The following DLGAP5 variants were observed in gnomAD, a reference collection of about 807,000 sequenced individuals.
DLGAP5 encodes DLG associated protein 5.
DLGAP5 carries 90 observed loss-of-function variants against 99.6 expected under a neutral mutation model. The observed-to-expected ratio is 0.90, with a 90% CI of 0.76 to 1.08. The LOEUF is 1.08. Among genes scored for constraint, DLGAP5 ranks in the 50% least tolerant of loss-of-function variants. The pLI is 0.00. For missense variants in DLGAP5, 1,036 were observed against 983.5 expected, an observed-to-expected ratio of 1.05 and a Z score of -0.71; for synonymous variants, 311 against 321.3, an observed-to-expected ratio of 0.97 and a Z score of 0.34.
Position 55,152,088 on chromosome 14 carries a change from C to T in DLGAP5, c.2122-147G>A. Reference sequence around the variant, plus strand: ...GAACATTATAAATCCTACTATCCTGCTTCTTCAACAATTAGTTCAGATAAT... The same window carrying T: ...GAACATTATAAATCCTACTATCCTGTTTCTTCAACAATTAGTTCAGATAAT... On this transcript the variant is annotated intron_variant, in intron 16 of 18. Transcript: ENST00000247191. 9 of 749,678 alleles carry T rather than the reference C, an allele frequency of 1.2e-5. No individual in the cohort carries two copies. The South Asian group carries it at 1.2e-4, about 10-fold the overall frequency. The allele number at this position is 749,678 out of a possible 1,614,324, so 46.4% of individuals were successfully genotyped here.
chr14:55,183,814 C>T (rs1399480135), intron 2 of DLGAP5, 61 bp from the exon 3 acceptor site: 1 of 1,389,002 alleles, frequency 7.2e-7, no homozygotes. Flanking sequence ...AAAAGTTATG[C>T]AAATGTATAA....
At chr14:55,179,126 T>G (rs1883188677) in intron 7 of DLGAP5, among the ~76,000 whole-genome samples, 1 of 152,224 alleles carries the variant, frequency 6.6e-6, no homozygotes, top group Non-Finnish European at 1.5e-5. Flanking sequence ...GCATCTTTTT[T>G]GAAGACCTTA....
At chr14:55,154,525 T>A in intron 15 of DLGAP5, 92 bp downstream of exon 15, 2 of 1,056,610 alleles carry the variant, frequency 1.9e-6, no homozygotes, top group Non-Finnish European at 2.9e-6. Flanking sequence ...TTATTAAAAA[T>A]ATATGTCTGG....
chr14:55,151,624 G>A (rs902619967), intron 17 of DLGAP5, 71 bp downstream of exon 17: 29 of 1,464,882 alleles, frequency 2.0e-5, no homozygotes, highest in Non-Finnish European at 2.5e-5. Context: ...GACCTTATAG[G>A]ATAATTTATA....
At chr14:55,179,133 C>T (rs1369276818) in intron 7 of DLGAP5, among the ~76,000 whole-genome samples, 1 of 152,014 alleles carries the variant, frequency 6.6e-6, no homozygotes, top group African/African-American at 2.4e-5. Flanking sequence ...TTTTGAAGAC[C>T]TTATTAGAAA....
chr14:55,177,678 C>T (rs1020115282), intron 7 of DLGAP5, among the ~76,000 whole-genome samples: 3 of 151,732 alleles, frequency 2.0e-5, no homozygotes, highest in Non-Finnish European at 4.4e-5. Context: ...GCTGGGACTA[C>T]AGACGCCCGC....
At chr14:55,183,811 A>T in intron 2 of DLGAP5, 58 bp from the exon 3 acceptor site, 2 of 1,393,820 alleles carry the variant, frequency 1.4e-6, no homozygotes, top group Non-Finnish European at 1.9e-6. Flanking sequence ...ATGAAAAGTT[A>T]TGCAAATGTA....
intron 13 of DLGAP5, among the ~76,000 whole-genome samples, chr14:55,160,891 A>G (rs1467251394): frequency 6.6e-6 from 1 of 152,206 alleles, no homozygotes; most frequent in Non-Finnish European, 1.5e-5. Flanking sequence ...AGAGTATAGA[A>G]AACATTTTAG....
intron 2 of DLGAP5, 125 bp downstream of exon 2, chr14:55,188,817 A>T: frequency 1.6e-6 from 1 of 640,822 alleles, no homozygotes; most frequent in Non-Finnish European, 2.6e-6. Flanking sequence ...AAGACCAAAA[A>T]GGAAAGTTAT....
Position 55,175,983 on chromosome 14 carries a change from T to C in DLGAP5, c.1085A>G (p.Gln362Arg), listed in dbSNP as rs757263120. ...ESQATKEILA[Q>R]KCKTYSTKTI... ...CTTGGTAGAGTAAGTTTTACATTTT[T>C]GTGCCAAAATTTCTTTTGTTGCTTG... is the stretch of plus-strand genomic sequence containing the variant. Residue 362 changes from glutamine to arginine, a missense_variant, in exon 9 of 19, where the codon CAA becomes CGA. Transcript: ENST00000247191. The C allele has an allele frequency of 3.7e-6, 6 of 1,608,778 alleles. No individual in the cohort carries two copies.
At chr14:55,173,463 AG>A (rs1014978131) in intron 10 of DLGAP5, among the ~76,000 whole-genome samples, 85 of 152,244 alleles carry the variant, frequency 5.6e-4, no homozygotes, top group Admixed American at 3.7e-3. Flanking sequence ...ACTCTCAAAA[AG>A]TATATTTATA....
At chr14:55,151,271 G>A (rs1882007534) in intron 17 of DLGAP5, among the ~76,000 whole-genome samples, 1 of 152,132 alleles carries the variant, frequency 6.6e-6, no homozygotes, top group Non-Finnish European at 1.5e-5. Context: ...AATATAGGTA[G>A]AACTAGGCAG....
intron 10 of DLGAP5, among the ~76,000 whole-genome samples, chr14:55,172,360 T>G (rs1195750391): frequency 2.6e-5 from 4 of 151,588 alleles, no homozygotes; most frequent in Non-Finnish European, 5.9e-5. Flanking sequence ...AAAAAGTATT[T>G]AAAAGATAAA....
chr14:55,172,175 T>G (rs906135238), intron 10 of DLGAP5, among the ~76,000 whole-genome samples: 1 of 130,792 alleles, frequency 7.6e-6, no homozygotes, highest in Non-Finnish European at 1.5e-5. Context: ...AGGTTTTGTT[T>G]CTTTAAAAAA....
chr14:55,158,676 T>A lies in DLGAP5; in HGVS notation c.1719A>T (p.Arg573Ser). 1 of 1,614,128 alleles carries A rather than the reference T, an allele frequency of 6.2e-7. No homozygotes were observed. Among genetic ancestry groups the A allele is most frequent in the Non-Finnish European group, 8.5e-7 (1 of 1,180,004 alleles). Residue 573 changes from arginine (R) to serine (S), a missense_variant, in exon 14 of 19, where the codon AGA becomes AGT. Arg to Ser is a moderately radical substitution (Grantham distance 110). Transcript: ENST00000247191. ...CATTTTTTATGGCAGCTAGGCGATT[T>A]CTCGCTGCAATTCTTCCAGCATCAT... Reference protein sequence around the residue: ...KQDDAGRIAARNRLAAIKNAM... With the variant: ...KQDDAGRIAASNRLAAIKNAM...
chr14:55,169,052 T>C (rs1882748686), intron 12 of DLGAP5, among the ~76,000 whole-genome samples: 1 of 151,492 alleles, frequency 6.6e-6, no homozygotes, highest in African/African-American at 2.4e-5. Flanking sequence ...GGCAGGCGCC[T>C]GTAGTCCCAG....
chr14:55,184,173 C>T (rs1883360973), intron 2 of DLGAP5, among the ~76,000 whole-genome samples: 1 of 151,654 alleles, frequency 6.6e-6, no homozygotes, highest in South Asian at 2.1e-4. Context: ...AAAAGGCTTT[C>T]AATAAGCCAG....
intron 12 of DLGAP5, among the ~76,000 whole-genome samples, chr14:55,166,182 T>C (rs755715067): frequency 2.9e-4 from 44 of 152,182 alleles, no homozygotes; most frequent in Non-Finnish European, 4.1e-4. Context: ...GATATATCCA[T>C]ACAATGGAAA....
intron 8 of DLGAP5, 138 bp from the exon 9 acceptor site, chr14:55,176,156 G>T: frequency 1.5e-6 from 1 of 663,964 alleles, no homozygotes; most frequent in East Asian, 2.9e-5. Context: ...TATTCTGGAG[G>T]GGAGAAAATG....
Sources: allele counts gnomAD v4.1 joint callset (sites outside exome capture counted in the v4.1 genomes callset), GRCh38; gene constraint gnomAD v4.1.1; transcripts MANE v1.5; gene names NCBI Gene and HGNC (gene_info 2026-07-23, HGNC 2026-07-21).